The following SCAPER variants were observed in gnomAD, a reference collection of about 807,000 sequenced individuals.
The protein encoded by SCAPER is S phase cyclin A-associated protein in the endoplasmic reticulum.
Under a neutral mutation model 182.2 loss-of-function variants are expected in SCAPER, and 98 were observed. The ratio of observed to expected loss-of-function variants is 0.54; its 90% confidence interval spans 0.46 to 0.64. The LOEUF is 0.64. Ranked by LOEUF, SCAPER falls within the 30% of genes least tolerant of loss-of-function variation. SCAPER has a pLI of 0.00. For synonymous variants in SCAPER, 605 were observed against 564.6 expected (o/e 1.07, Z -1.01); for missense variants, 1,432 against 1,690.0 (o/e 0.85, Z 2.68).
intron 10 of SCAPER, 55 bp from the exon 11 acceptor site, chr15:76,767,143 T>A: frequency 1.4e-6 from 2 of 1,437,272 alleles, no homozygotes; most frequent in African/African-American, 1.4e-5. Context: ...GACTGGAAAG[T>A]AATCATTTTT....
intron 14 of SCAPER, among the ~76,000 whole-genome samples, chr15:76,762,817 T>A (rs2151260390): frequency 6.6e-6 from 1 of 152,196 alleles, no homozygotes; most frequent in Middle Eastern, 3.4e-3. Flanking sequence ...ACTGATAATT[T>A]TTTTGTTGTT....
At position 76,354,111 on chromosome 15, in the gene SCAPER, T is replaced by C. The variant is rs767705751; in HGVS notation, c.3885A>G (p.Thr1295=). The change falls in exon 30 of 32, where the codon ACA becomes ACG. Residue 1295 remains threonine, a synonymous_variant. Transcript: ENST00000563290. This position sits in a 1 kb window ranked among gnomAD's most constrained non-coding sequence, Gnocchi z 4.4. The part of the protein sequence containing the change: ...QVIVQSGRHP[T]VLQKLCQLPF... Reference sequence around the variant, plus strand: ...GCAACTGGCAGAGCTTCTGCAGCACTGTGGGGTGGCGGCCGGACTGCACGA... The same window carrying C: ...GCAACTGGCAGAGCTTCTGCAGCACCGTGGGGTGGCGGCCGGACTGCACGA... 101 of 1,609,024 alleles carry C rather than the reference T, an allele frequency of 6.3e-5. No homozygotes were observed. Among genetic ancestry groups the C allele is most frequent in the Non-Finnish European group, 8.2e-5 (97 of 1,178,342 alleles).
chr15:76,859,103 G>T (rs2071656359), intron 3 of SCAPER, among the ~76,000 whole-genome samples: 2 of 152,286 alleles, frequency 1.3e-5, no homozygotes, highest in South Asian at 4.1e-4. Flanking sequence ...GTGTGTAAGT[G>T]TTCCTTTTTC....
chr15:76,453,712 T>A (rs1398993792), intron 25 of SCAPER, among the ~76,000 whole-genome samples: 4 of 152,210 alleles, frequency 2.6e-5, no homozygotes, highest in African/African-American at 9.7e-5. Flanking sequence ...ATAACAATTT[T>A]GTAGGAATAT....
intron 27 of SCAPER, among the ~76,000 whole-genome samples, chr15:76,399,199 G>A: frequency 6.6e-6 from 1 of 152,116 alleles, no homozygotes; most frequent in Non-Finnish European, 1.5e-5. Flanking sequence ...GTGCAGTGGT[G>A]CCATCTCGGC....
In SCAPER at chr15:76,774,913, T is replaced by G; in HGVS notation, c.977A>C (p.Glu326Ala). Residue 326 changes from glutamate (E) to alanine (A), a missense_variant, in exon 9 of 32, where the codon GAA (glutamate) becomes GCA (alanine). This residue lies in a region of SCAPER where 480 missense variants were observed against 510.2 expected (regional missense o/e 0.94). Transcript: ENST00000563290. ...FVGDGTSNTI[E>A]SHPKDSLHSC... ...GTGTAATGAGTCTTTGGGATGAGAT[T>G]CTATAGTATTAGAAGTTCCATCTCC... 6.2e-7 allele frequency: 1 copy of G among 1,613,684 alleles called. No homozygotes were observed. Among genetic ancestry groups the G allele is most frequent in the South Asian group, 1.1e-5 (1 of 91,060 alleles).
chr15:76,488,813 C>A (rs554522595), intron 24 of SCAPER, among the ~76,000 whole-genome samples: 2 of 146,340 alleles, frequency 1.4e-5, no homozygotes, highest in Non-Finnish European at 3.0e-5. Context: ...GCAACCTCTG[C>A]CCCCCAGGTT....
At chr15:76,858,726 G>A (rs2071617100) in intron 3 of SCAPER, among the ~76,000 whole-genome samples, 1 of 152,042 alleles carries the variant, frequency 6.6e-6, no homozygotes, top group African/African-American at 2.4e-5. Flanking sequence ...TGCAGTTTTT[G>A]GTTTTCTGTT....
intron 4 of SCAPER, among the ~76,000 whole-genome samples, chr15:76,848,733 T>C (rs1336241900): frequency 2.0e-5 from 3 of 152,226 alleles, no homozygotes; most frequent in African/African-American, 7.2e-5. Flanking sequence ...TGTATCTTAA[T>C]ATGTAATTTT....
rs184572523 is a variant in SCAPER at position 76,890,280 on chromosome 15, A to C, written c.-59-6404T>G. ...GAACTAGAGAAGCAAGAGCAAATAAATTCAAAAGCTAGCAGAAGGCAAGAA... is the reference window on the plus strand; with the variant it reads ...GAACTAGAGAAGCAAGAGCAAATAACTTCAAAAGCTAGCAGAAGGCAAGAA... On this transcript the variant is annotated intron_variant, in intron 1 of 31. Transcript: ENST00000563290. Among the ~76,000 whole-genome samples, 272 of 152,322 alleles carry C rather than the reference A, an allele frequency of 1.8e-3. 1 individual carries two copies. Among genetic ancestry groups the C allele is most frequent in the African/African-American group, 6.4e-3 (266 of 41,564 alleles).
In SCAPER at chr15:76,596,269, C is replaced by T. The variant is rs2145732559; in HGVS notation, c.2712-21985G>A. ...CAAGATGAAACCAGGAAGAAGAATC[C>T]CTGAACAGACCAATAAGAAGTTCTG... On this transcript the variant is annotated intron_variant, in intron 22 of 31. Transcript: ENST00000563290. Among the ~76,000 whole-genome samples, 2 of 86,796 alleles carry T rather than the reference C, an allele frequency of 2.3e-5. 1 individual carries two copies. The highest frequency in any genetic ancestry group is 7.3e-4 in the South Asian group (2 of 2,734). 56.9% of individuals were successfully genotyped at this position (86,796 alleles called of 152,430 possible).
In SCAPER at chr15:76,512,057, A is replaced by AT. The variant is rs552251362; in HGVS notation, c.2839-7084dup. On this transcript the variant is annotated intron_variant, in intron 23 of 31. Coordinates refer to ENST00000563290, the MANE Select transcript of SCAPER (RefSeq NM_020843.4). ...GACAACATGCCCGGCTAATTTTTGT[A>AT]TTTTTTTTTTAGTAGAGACGGGGTT... 4.7e-3 allele frequency among the ~76,000 whole-genome samples: 674 copies of AT among 144,494 alleles called. 5 individuals carry two copies. The highest frequency in any genetic ancestry group is 6.8e-3 in the Non-Finnish European group (444 of 65,402). The allele number at this position is 144,494 out of a possible 152,430, so 94.8% of individuals were successfully genotyped here. A position where few individuals can be genotyped will look rare whatever the true frequency, so the allele number is the denominator to read the frequency against.
rs930558796 is a variant in SCAPER at position 76,689,660 on chromosome 15, G to A, written c.2508+12098C>T. Among the ~76,000 whole-genome samples the A allele has an allele frequency of 2.0e-5, 3 of 151,744 alleles. No homozygotes were observed. The East Asian group carries it at 5.8e-4, about 29-fold the overall frequency. On this transcript the variant is annotated intron_variant, in intron 20 of 31. Coordinates refer to ENST00000563290, the MANE Select transcript of SCAPER (RefSeq NM_020843.4). ...TAATAATGAGCACTCCTTATATCTA[G>A]GTCTTGTTTTCTAAATGTTATCCTT...
intron 24 of SCAPER, among the ~76,000 whole-genome samples, chr15:76,478,046 G>T (rs1031948077): frequency 9.9e-5 from 15 of 151,510 alleles, no homozygotes; most frequent in African/African-American, 3.4e-4. Flanking sequence ...ACTTAGAAAG[G>T]CCATTCTACT....
rs981246284 is a variant in SCAPER at position 76,714,534 on chromosome 15, G to GGTGGTAGTAGTAGTAGTA, written c.2166-8551_2166-8550insTACTACTACTACTACCAC. Among the ~76,000 whole-genome samples, 249 of 149,480 alleles carry GGTGGTAGTAGTAGTAGTA rather than the reference G, an allele frequency of 1.7e-3. 1 individual carries two copies. Among genetic ancestry groups the GGTGGTAGTAGTAGTAGTA allele is most frequent in the African/African-American group, 6.0e-3 (242 of 40,644 alleles). On this transcript the variant is annotated intron_variant, in intron 17 of 31. Coordinates refer to ENST00000563290, the MANE Select transcript of SCAPER (RefSeq NM_020843.4). Reference sequence around the variant, plus strand: ...TGATTACCATTCTAGTAGTAGTAGTGGTAGTAGTAGTAGTAGTAGTAGTAG... The same window carrying GGTGGTAGTAGTAGTAGTA: ...TGATTACCATTCTAGTAGTAGTAGTGGTGGTAGTAGTAGTAGTAGTAGTAGTAGTAGTAGTAGTAGTAG...
chr15:76,537,615 C>T (rs989251154), intron 23 of SCAPER, among the ~76,000 whole-genome samples: 6 of 151,942 alleles, frequency 3.9e-5, no homozygotes, highest in Admixed American at 3.3e-4. Context: ...CATAAAAACC[C>T]TAGAAGAAAA....
At chr15:76,706,692 T>C (rs1203319536) in intron 17 of SCAPER, among the ~76,000 whole-genome samples, 1 of 152,068 alleles carries the variant, frequency 6.6e-6, no homozygotes, top group East Asian at 1.9e-4. Context: ...AACAGGAAGT[T>C]TAAGTGAAAA....
intron 27 of SCAPER, among the ~76,000 whole-genome samples, chr15:76,394,660 T>C (rs2142047823): frequency 6.6e-6 from 1 of 152,350 alleles, no homozygotes; most frequent in South Asian, 2.1e-4. Flanking sequence ...TCTTAGCAGG[T>C]CACTTCCTTG....
chr15:76,396,686 T>C (rs1009001287), intron 27 of SCAPER, among the ~76,000 whole-genome samples: 3 of 152,216 alleles, frequency 2.0e-5, no homozygotes, highest in African/African-American at 7.2e-5. Context: ...CTTTACTGAA[T>C]TGGTTTATCG....
Sources: gnomAD v4.1 joint callset for allele counts (sites outside exome capture counted in the v4.1 genomes callset) on GRCh38, gnomAD v4.1.1 for gene constraint, gnomAD v4.1.1 regional missense constraint, Gnocchi (gnomAD v3.1) non-coding constraint, MANE v1.5 for transcripts, NCBI Gene and HGNC (gene_info 2026-07-23, HGNC 2026-07-21) for gene names.